The following AGBL5 variants were observed in gnomAD, a reference collection of about 807,000 sequenced individuals.
The protein encoded by AGBL5 is cytosolic carboxypeptidase-like protein 5.
In AGBL5, 51 loss-of-function variants were observed where a neutral mutation model predicts 88.0. The ratio of observed to expected loss-of-function variants is 0.58; its 90% CI spans 0.46 to 0.73. The LOEUF is 0.73. Ranked by LOEUF, AGBL5 falls within the 30% of genes least tolerant of loss-of-function variation. AGBL5 has a pLI of 0.00. For missense variants in AGBL5, 1,031 were observed against 1,162.2 expected (o/e 0.89, Z 1.64); for synonymous variants, 446 against 438.8 (o/e 1.02, Z -0.21).
intron 11 of AGBL5, chr2:27,062,763 C>G (rs947016441): frequency 1.1e-4 from 16 of 152,194 alleles, no homozygotes; most frequent in African/African-American, 3.9e-4. Context: ...CATAGTTTGA[C>G]AGAAACATTC....
chr2:27,066,090 C>T (rs945747229), intron 11 of AGBL5, among the ~76,000 whole-genome samples: 5 of 152,110 alleles, frequency 3.3e-5, no homozygotes, highest in African/African-American at 1.2e-4. Context: ...GAGACTCCAT[C>T]TCCACAAAAA....
Position 27,053,880 on chromosome 2 carries a change from C to T in AGBL5, c.388-16C>T. 6.2e-7 allele frequency: 1 copy of T among 1,605,326 alleles called. No homozygotes were observed. The highest frequency in any genetic ancestry group is 8.5e-7 in the Non-Finnish European group (1 of 1,173,850). On this transcript the variant is annotated splice_polypyrimidine_tract_variant and intron_variant, in intron 3 of 14. Coordinates refer to ENST00000360131, the MANE Select transcript of AGBL5 (RefSeq NM_021831.6). The surrounding 1 kb of genome is among the most constrained non-coding windows in gnomAD (Gnocchi z 4.9). ...AATGGCATGTTGCCCCTCCCTCTTC[C>T]TCCTCTGCTCTTCAGATGACAGAGA...
chr2:27,064,059 A>G (rs1055718616), intron 11 of AGBL5, among the ~76,000 whole-genome samples: 2 of 151,932 alleles, frequency 1.3e-5, no homozygotes, highest in Non-Finnish European at 2.9e-5. Context: ...CAAATTATCT[A>G]AACTATTTCC....
intron 12 of AGBL5, 77 bp downstream of exon 12, chr2:27,067,723 G>A (rs908284371): frequency 6.6e-7 from 1 of 1,521,514 alleles, no homozygotes. Flanking sequence ...AGCCTAGTTG[G>A]GAGACCAGGG....
At chr2:27,068,562 C>T in intron 12 of AGBL5, 70 bp from the exon 13 acceptor site, 1 of 1,412,054 alleles carries the variant, frequency 7.1e-7, no homozygotes, top group Non-Finnish European at 9.9e-7. Flanking sequence ...GGTTAAGAAA[C>T]CCTGATCCTT....
Position 27,055,733 on chromosome 2 carries a change from C to T in AGBL5, c.960C>T (p.Ala320=), listed in dbSNP as rs550872992. 144 of 1,614,106 alleles carry T rather than the reference C, an allele frequency of 8.9e-5. 2 individuals carry two copies. The South Asian group carries it at 1.2e-3, about 14-fold the overall frequency. ...ACCGTCAGTACCTGAAGCCTGATGC[C>T]GTCCTGCACCCGGCCATCTATGGGG... ...NLNRQYLKPD[A]VLHPAIYGAK... is the part of the protein sequence containing the mutation. The change falls in exon 7 of 15, where the codon GCC becomes GCT. Residue 320 remains alanine (A), a synonymous_variant. Transcript: ENST00000360131.
chr2:27,056,624 T>TGG lies in AGBL5; in HGVS notation c.1368_1369dup (p.Glu457GlyfsTer12). 1 of 1,595,866 alleles carries TGG rather than the reference T, an allele frequency of 6.3e-7. No individual in the cohort carries two copies. Among genetic ancestry groups the TGG allele is most frequent in the Non-Finnish European group, 8.6e-7 (1 of 1,167,338 alleles). ...AGTTGACTTTTCTTCCCCAAACAGGTGGAAAACATGCTATATCCAAAGCTC... is the reference window on the plus strand; with the variant it reads ...AGTTGACTTTTCTTCCCCAAACAGGTGGGGAAAACATGCTATATCCAAAGCTC... On this transcript the variant is annotated frameshift_variant and splice_region_variant, in exon 8 of 15. Coordinates refer to ENST00000360131, the MANE Select transcript of AGBL5 (RefSeq NM_021831.6). LOFTEE classifies it high-confidence loss of function.
At chr2:27,057,763 G>C (rs1167371628) in intron 9 of AGBL5, among the ~76,000 whole-genome samples, 2 of 152,192 alleles carry the variant, frequency 1.3e-5, no homozygotes, top group Non-Finnish European at 2.9e-5. Context: ...TAGTGGTCTT[G>C]ATGATTCCCA....
Position 27,058,601 on chromosome 2 carries a change from A to G in AGBL5, c.1873A>G (p.Asn625Asp), listed in dbSNP as rs1441412620. Residue 625 changes from asparagine (N) to aspartate (D), a missense_variant and splice_region_variant, in exon 10 of 15, where the codon AAT becomes GAT. By Grantham distance (23) the Asn-to-Asp change is conservative. This residue lies in a region of AGBL5 where 491 missense variants were observed against 484.0 expected (regional missense o/e 1.01). Coordinates refer to ENST00000360131, the MANE Select transcript of AGBL5 (RefSeq NM_021831.6). ...CCTTCGAACTCCACCCAAAAGTCACAAGTAAGGCCAGCAAAATAGGAGGGA... is the reference window on the plus strand; with the variant it reads ...CCTTCGAACTCCACCCAAAAGTCACGAGTAAGGCCAGCAAAATAGGAGGGA... Reference protein sequence around the residue: ...RGLRTPPKSHNGLPVSCSENT... With the variant: ...RGLRTPPKSHDGLPVSCSENT... 2.5e-6 allele frequency: 4 copies of G among 1,613,800 alleles called. No individual in the cohort carries two copies. Among genetic ancestry groups the G allele is most frequent in the Admixed American group, 3.3e-5 (2 of 59,990 alleles).
Position 27,053,984 on chromosome 2 carries a change from TCTC to T in AGBL5, c.479_481del (p.Ser160del), listed in dbSNP as rs774398504. 15 of 1,614,024 alleles carry T rather than the reference TCTC, an allele frequency of 9.3e-6. No individual in the cohort carries two copies. The highest frequency in any genetic ancestry group is 1.7e-5 in the Admixed American group (1 of 60,008). ...ACCTTCTTCGCCTTCTGCTACCCCT[TCTC>T]CTACAGTGACTGCCAGGAACTGCTA... On this transcript the variant is annotated inframe_deletion, in exon 4 of 15. Coordinates refer to ENST00000360131, the MANE Select transcript of AGBL5 (RefSeq NM_021831.6). This position sits in a 1 kb window ranked among gnomAD's most constrained non-coding sequence, Gnocchi z 4.9.
chr2:27,055,532 G>A, intron 6 of AGBL5, 150 bp from the exon 7 acceptor site: 1 of 849,626 alleles, frequency 1.2e-6, no homozygotes, highest in South Asian at 1.8e-5. Context: ...AGATCAAAGA[G>A]AGGCCCTGTC....
At position 27,056,714 on chromosome 2, in the gene AGBL5, C is replaced by G. The variant is rs1668448156; in HGVS notation, c.1457C>G (p.Ala486Gly). 1 of 1,613,818 alleles carries G rather than the reference C, an allele frequency of 6.2e-7. No individual in the cohort carries two copies. The highest frequency in any genetic ancestry group is 8.5e-7 in the Non-Finnish European group (1 of 1,179,810). Reference protein sequence around the residue: ...GCNFSEKNMYARDRRDGQSKE... With the variant: ...GCNFSEKNMYGRDRRDGQSKE... ...AATTTCTCAGAGAAGAATATGTATG[C>G]CCGAGACCGTAGAGATGGCCAGTCT... The change falls in exon 8 of 15, where the codon GCC becomes GGC. Residue 486 changes from alanine (A) to glycine (G), a missense_variant. Ala to Gly is a moderately conservative substitution (Grantham distance 60). Around this residue, in one of 2 missense-constraint regions of AGBL5, gnomAD observed 540 missense variants for 678.2 expected, o/e 0.80. Coordinates refer to ENST00000360131, the MANE Select transcript of AGBL5 (RefSeq NM_021831.6).
In AGBL5 at chr2:27,070,473, T is replaced by G; in HGVS notation, c.*210T>G. ...CTTCCCTCCCTCCGCAGCACAAGAT[T>G]TTGGGACCACAAAAAAAAGTCTATA... On this transcript the variant is annotated 3_prime_UTR_variant, in exon 15 of 15. Transcript: ENST00000360131. The G allele has an allele frequency of 1.9e-6, 1 of 535,012 alleles. No homozygotes were observed. Among genetic ancestry groups the G allele is most frequent in the Non-Finnish European group, 3.3e-6 (1 of 303,616 alleles). 33.1% of individuals were successfully genotyped at this position (535,012 alleles called of 1,614,324 possible).
rs981921240 is a variant in AGBL5 at position 27,054,028 on chromosome 2, C to T, written c.520C>T (p.Arg174Cys). 5.6e-6 allele frequency: 9 copies of T among 1,613,766 alleles called. No individual in the cohort carries two copies. The East Asian group carries it at 1.1e-4, about 20-fold the overall frequency. ...GGAACTGCTAAACCAGCTAGACCAG[C>T]GCTTTCCGGAGAACCACCCTACCCA... ...CQELLNQLDQ[R>C]FPENHPTHSS... Residue 174 changes from arginine to cysteine, a missense_variant, in exon 4 of 15, where the codon CGC becomes TGC. Arg to Cys is a radical substitution (Grantham distance 180). This residue lies in a region of AGBL5 where 540 missense variants were observed against 678.2 expected (regional missense o/e 0.80). Coordinates refer to ENST00000360131, the MANE Select transcript of AGBL5 (RefSeq NM_021831.6).
At chr2:27,062,607 A>G (rs545514781) in intron 11 of AGBL5, 19 of 152,318 alleles carry the variant, frequency 1.2e-4, no homozygotes, top group Admixed American at 7.2e-4. Flanking sequence ...GAAACTTAAT[A>G]GGGGAAACAG....
chr2:27,056,310 A>G (rs768243932), intron 7 of AGBL5, 172 bp downstream of exon 7: 7 of 665,904 alleles, frequency 1.1e-5, no homozygotes, highest in African/African-American at 3.6e-5. Flanking sequence ...CAGGGGGATA[A>G]TGTCTCAATT....
At chr2:27,054,831 A>G in intron 5 of AGBL5, 24 bp downstream of exon 5, 1 of 1,602,578 alleles carries the variant, frequency 6.2e-7, no homozygotes, top group Non-Finnish European at 8.5e-7. Flanking sequence ...GCATAAAGGT[A>G]GTTCTTTGGC....
intron 11 of AGBL5, among the ~76,000 whole-genome samples, chr2:27,060,718 A>G (rs780265221): frequency 3.3e-5 from 5 of 152,330 alleles, no homozygotes; most frequent in South Asian, 2.1e-4. Flanking sequence ...GAGATATTCT[A>G]TCCCTGACAG....
intron 11 of AGBL5, among the ~76,000 whole-genome samples, chr2:27,060,125 G>C (rs1668642813): frequency 1.3e-5 from 2 of 152,184 alleles, no homozygotes; most frequent in Admixed American, 1.3e-4. Flanking sequence ...CTCCAGCCTG[G>C]GCAACAGAGC....
Sources: allele counts gnomAD v4.1 joint callset (sites outside exome capture counted in the v4.1 genomes callset), GRCh38; gene constraint gnomAD v4.1.1; regional missense constraint gnomAD v4.1.1; non-coding constraint Gnocchi (gnomAD v3.1); transcripts MANE v1.5; gene names NCBI Gene and HGNC (gene_info 2026-07-23, HGNC 2026-07-21).